The following SNTG2 variants were observed in gnomAD, a reference collection of about 807,000 sequenced individuals.
The protein encoded by SNTG2 is gamma-2-syntrophin.
In SNTG2, 74 loss-of-function variants were observed where a neutral mutation model predicts 70.9. The ratio of observed to expected loss-of-function variants is 1.04; its 90% CI spans 0.86 to 1.27. The LOEUF (loss-of-function observed/expected upper bound fraction) is 1.27, where lower values mean the gene tolerates loss of function less well. Among genes scored for constraint, SNTG2 ranks in the 50% most tolerant of loss-of-function variants. The pLI, the probability that SNTG2 is intolerant of heterozygous loss-of-function variation, is 0.00. For synonymous variants in SNTG2, 278 were observed against 273.8 expected, an observed-to-expected ratio of 1.02 and a Z score of -0.15; for missense variants, 717 against 690.7, an observed-to-expected ratio of 1.04 and a Z score of -0.43.
At chr2:1,221,511 C>CTCTG (rs2148028652) in intron 9 of SNTG2, among the ~76,000 whole-genome samples, 27 of 6,586 alleles carry the variant, frequency 4.1e-3, no homozygotes, top group South Asian at 0.014. Context: ...CTCTCTCTCT[C>CTCTG]TCTCTGTCTC....
intron 1 of SNTG2, among the ~76,000 whole-genome samples, chr2:996,092 G>T (rs1661672778): frequency 6.6e-6 from 1 of 152,164 alleles, no homozygotes; most frequent in Admixed American, 6.5e-5. Context: ...TGGATAGATA[G>T]GTGTGACTGA....
chr2:1,245,286 A>G (rs1036681544), intron 11 of SNTG2, among the ~76,000 whole-genome samples: 1 of 152,146 alleles, frequency 6.6e-6, no homozygotes, highest in Non-Finnish European at 1.5e-5. Flanking sequence ...AAAAGGAAAA[A>G]AAAAAGAAAT....
chr2:1,142,658 G>A (rs1668835695), intron 6 of SNTG2, among the ~76,000 whole-genome samples: 1 of 152,156 alleles, frequency 6.6e-6, no homozygotes, highest in African/African-American at 2.4e-5. Context: ...GAGTCCTGAT[G>A]TTAGTCAACT....
chr2:1,009,761 C>CCCAA (rs964125184), intron 1 of SNTG2, among the ~76,000 whole-genome samples: 2 of 152,144 alleles, frequency 1.3e-5, no homozygotes, highest in African/African-American at 2.4e-5. Context: ...TGGTGAATCT[C>CCCAA]CCAACCACGT....
intron 16 of SNTG2, among the ~76,000 whole-genome samples, chr2:1,327,078 C>G (rs1681793562): frequency 6.6e-6 from 1 of 151,938 alleles, no homozygotes; most frequent in Admixed American, 6.6e-5. Context: ...AATTGTTTCT[C>G]CTCTTATCTC....
chr2:1,250,096 C>A (rs1677665375), intron 12 of SNTG2, among the ~76,000 whole-genome samples: 1 of 152,188 alleles, frequency 6.6e-6, no homozygotes, highest in African/African-American at 2.4e-5. Flanking sequence ...AAATCGCAGA[C>A]TCCTCATTCA....
chr2:1,275,625 C>T (rs145813477), intron 14 of SNTG2, among the ~76,000 whole-genome samples: 54 of 152,180 alleles, frequency 3.5e-4, no homozygotes, highest in African/African-American at 1.3e-3. Flanking sequence ...CCCTGGGCCT[C>T]CTCATTCCAC....
At chr2:1,067,879 G>A (rs79606286) in intron 1 of SNTG2, among the ~76,000 whole-genome samples, 166 of 152,252 alleles carry the variant, frequency 1.1e-3, no homozygotes, top group Middle Eastern at 3.4e-3. Flanking sequence ...ACAGTGCATC[G>A]CTTTCCCCGG....
chr2:1,076,831 A>T (rs1663948403), intron 1 of SNTG2, among the ~76,000 whole-genome samples: 1 of 152,242 alleles, frequency 6.6e-6, no homozygotes, highest in South Asian at 2.1e-4. Context: ...TAAATAATCA[A>T]TAATAAATAA....
At chr2:1,364,234 G>A (rs1033299021) in intron 16 of SNTG2, among the ~76,000 whole-genome samples, 2 of 151,366 alleles carry the variant, frequency 1.3e-5, no homozygotes, top group African/African-American at 2.4e-5. Context: ...CATCTACCTC[G>A]GCCTCCCAAA....
At chr2:1,323,072 A>G (rs553716108) in intron 16 of SNTG2, among the ~76,000 whole-genome samples, 62 of 152,336 alleles carry the variant, frequency 4.1e-4, no homozygotes, top group African/African-American at 1.4e-3. Flanking sequence ...AATTTTGACC[A>G]AAAGAAACAT....
At position 1,244,423 on chromosome 2, in the gene SNTG2, G is replaced by A. The variant is rs558783490; in HGVS notation, c.889-2904G>A. On this transcript the variant is annotated intron_variant, in intron 11 of 16. Coordinates refer to ENST00000308624, the MANE Select transcript of SNTG2 (RefSeq NM_018968.4). ...ATTCTTAAAAGTTTGCAGGCCGGGC[G>A]CGGGGGCTCACGCCTGTAATCCCAG... Among the ~76,000 whole-genome samples, 14 of 152,224 alleles carry A rather than the reference G, an allele frequency of 9.2e-5. No individual in the cohort carries two copies. The South Asian group carries it at 2.3e-3, about 25-fold the overall frequency.
intron 12 of SNTG2, among the ~76,000 whole-genome samples, chr2:1,248,081 T>C (rs190224279): frequency 4.5e-4 from 68 of 152,348 alleles, no homozygotes; most frequent in African/African-American, 1.6e-3. Flanking sequence ...TTCAGGTACC[T>C]ACACGTTTTG....
intron 9 of SNTG2, among the ~76,000 whole-genome samples, chr2:1,231,856 G>C (rs1309617324): frequency 6.6e-6 from 1 of 152,114 alleles, no homozygotes; most frequent in African/African-American, 2.4e-5. Flanking sequence ...TGAGTGCCAG[G>C]GCTGTTAGTG....
At chr2:1,306,685 AGT>A (rs34835668) in intron 14 of SNTG2, among the ~76,000 whole-genome samples, 6,080 of 149,068 alleles carry the variant, frequency 0.041, 153 homozygotes, top group Non-Finnish European at 0.058. Flanking sequence ...CCAGGGTGTG[AGT>A]GTGTGTGTGT....
chr2:1,155,472 C>T (rs188713740), intron 6 of SNTG2, among the ~76,000 whole-genome samples: 17 of 97,140 alleles, frequency 1.8e-4, no homozygotes, highest in East Asian at 8.8e-4. Flanking sequence ...AAGCATATTC[C>T]GTCTACCAGA....
Position 1,267,498 on chromosome 2 carries a change from A to T in SNTG2, c.1211A>T (p.Glu404Val). The T allele has an allele frequency of 6.2e-7, 1 of 1,613,920 alleles. No individual in the cohort carries two copies. Among genetic ancestry groups the T allele is most frequent in the African/African-American group, 1.3e-5 (1 of 75,048 alleles). The change falls in exon 14 of 17, where the codon GAG becomes GTG. Residue 404 changes from glutamate to valine, a missense_variant. Glu to Val is a moderately radical substitution (Grantham distance 121, BLOSUM62 -2). Transcript: ENST00000308624. ...GGGAAGAGCCATGTTTTCAACGTGG[A>T]GCTTGGCAGCGAGCTGGCCATGTGG... ...GHGKSHVFNV[E>V]LGSELAMWEK...
intron 1 of SNTG2, among the ~76,000 whole-genome samples, chr2:1,009,832 T>A (rs1659677391): frequency 6.6e-6 from 1 of 152,210 alleles, no homozygotes; most frequent in South Asian, 2.1e-4. Flanking sequence ...TGATAGGGAA[T>A]GAGATCTTCC....
At chr2:1,177,052 T>C (rs1362242640) in intron 8 of SNTG2, among the ~76,000 whole-genome samples, 3 of 152,192 alleles carry the variant, frequency 2.0e-5, no homozygotes, top group African/African-American at 7.2e-5. Flanking sequence ...GCAGCACTAT[T>C]CACAATTGTA....
Sources: allele counts gnomAD v4.1 joint callset (sites outside exome capture counted in the v4.1 genomes callset), GRCh38; gene constraint gnomAD v4.1.1; transcripts MANE v1.5; gene names NCBI Gene and HGNC (gene_info 2026-07-23, HGNC 2026-07-21).